Variants in LYPD6B observed in about 807,000 individuals in gnomAD.
LYPD6B encodes ly6/PLAUR domain-containing protein 6B.
In LYPD6B, 17 loss-of-function variants were observed where a neutral mutation model predicts 22.8. The observed-to-expected ratio is 0.75, with a 90% CI of 0.51 to 1.12. LYPD6B has a LOEUF of 1.12. LYPD6B is among the 50% of genes most tolerant of loss of function. The probability of loss-of-function intolerance (pLI) is 0.00; values close to 1 mark genes in which losing one functional copy is unlikely to be tolerated. For synonymous variants in LYPD6B, 106 were observed against 91.6 expected (o/e 1.16, Z -0.90); for missense variants, 221 against 258.3 (o/e 0.86, Z 0.99).
chr2:149,208,619 G>C (rs1693655248), intron 5 of LYPD6B, among the ~76,000 whole-genome samples: 1 of 151,998 alleles, frequency 6.6e-6, no homozygotes, highest in African/African-American at 2.4e-5. Context: ...TATTTACCAG[G>C]GAGAACACAT....
intron 2 of LYPD6B, among the ~76,000 whole-genome samples, chr2:149,151,842 C>T (rs1299898193): frequency 1.3e-5 from 2 of 152,160 alleles, no homozygotes; most frequent in African/African-American, 4.8e-5. Context: ...CACCTCAGCT[C>T]CAAAGCCTTC....
chr2:149,044,461 C>T (rs1683220375), intron 1 of LYPD6B, among the ~76,000 whole-genome samples: 1 of 152,032 alleles, frequency 6.6e-6, no homozygotes, highest in Non-Finnish European at 1.5e-5. Context: ...TAAAGTTACT[C>T]ATCTGTTTTA....
intron 1 of LYPD6B, among the ~76,000 whole-genome samples, chr2:149,067,861 G>A (rs1270479893): frequency 3.3e-5 from 5 of 152,144 alleles, no homozygotes; most frequent in Non-Finnish European, 7.3e-5. Flanking sequence ...TGTATTATAT[G>A]TGAATCTTCT....
intron 5 of LYPD6B, among the ~76,000 whole-genome samples, chr2:149,212,163 G>T (rs534089313): frequency 3.8e-4 from 57 of 151,648 alleles, no homozygotes; most frequent in Non-Finnish European, 6.6e-4. Context: ...GGATCATGAG[G>T]TCAGGAGATC....
At chr2:149,127,605 A>G (rs990273100) in intron 1 of LYPD6B, among the ~76,000 whole-genome samples, 2 of 152,076 alleles carry the variant, frequency 1.3e-5, no homozygotes, top group African/African-American at 2.4e-5. Flanking sequence ...CCTTGTATAT[A>G]TGTATGCATG....
At chr2:149,042,132 A>C (rs1230025745) in intron 1 of LYPD6B, among the ~76,000 whole-genome samples, 1 of 152,236 alleles carries the variant, frequency 6.6e-6, no homozygotes, top group South Asian at 2.1e-4. Context: ...ACAGGCTGGG[A>C]CTTGGTGAAG....
At chr2:149,038,896 G>A (rs1252158869) in intron 1 of LYPD6B, 95 bp downstream of exon 1, 2 of 150,478 alleles carry the variant, frequency 1.3e-5, no homozygotes, top group East Asian at 3.9e-4. Flanking sequence ...ACTGCGGCGG[G>A]AGATGCGCTG....
chr2:149,195,167 A>G (rs8179684), intron 3 of LYPD6B, among the ~76,000 whole-genome samples: 45,993 of 152,134 alleles, frequency 0.3, 8,753 homozygotes, highest in East Asian at 0.55. Context: ...GTCTGTGTTC[A>G]CTTAGAGACC....
At chr2:149,072,114 T>C (rs976937649) in intron 1 of LYPD6B, among the ~76,000 whole-genome samples, 1 of 152,200 alleles carries the variant, frequency 6.6e-6, no homozygotes, top group Non-Finnish European at 1.5e-5. Flanking sequence ...GTATTTTTGG[T>C]AGAGACAGAG....
At chr2:149,119,783 G>A (rs79627740) in intron 1 of LYPD6B, among the ~76,000 whole-genome samples, 1,659 of 152,256 alleles carry the variant, frequency 0.011, 34 homozygotes, top group African/African-American at 0.038. Flanking sequence ...TCATCCTACC[G>A]CTTCCTAGTG....
intron 1 of LYPD6B, among the ~76,000 whole-genome samples, chr2:149,121,471 T>A (rs1353194720): frequency 6.6e-6 from 1 of 152,136 alleles, no homozygotes; most frequent in East Asian, 1.9e-4. Context: ...ATTGTTGCAG[T>A]CCCAGCAGAA....
At chr2:149,069,117 A>C (rs1210433208) in intron 1 of LYPD6B, among the ~76,000 whole-genome samples, 1 of 151,196 alleles carries the variant, frequency 6.6e-6, no homozygotes, top group Non-Finnish European at 1.5e-5. Context: ...TATAACTTGC[A>C]ATCAAGGAGA....
At chr2:149,212,061 G>T (rs1693886373) in intron 5 of LYPD6B, among the ~76,000 whole-genome samples, 1 of 152,038 alleles carries the variant, frequency 6.6e-6, no homozygotes, top group Non-Finnish European at 1.5e-5. Flanking sequence ...ATGTTGGTAG[G>T]ATTAGAACCA....
At chr2:149,209,822 A>G (rs531962133) in intron 5 of LYPD6B, among the ~76,000 whole-genome samples, 36 of 152,206 alleles carry the variant, frequency 2.4e-4, no homozygotes, top group African/African-American at 7.7e-4. Flanking sequence ...GTTCTTTTAC[A>G]TTTCTGTCAA....
intron 1 of LYPD6B, among the ~76,000 whole-genome samples, chr2:149,120,383 A>ATATATATATATTT (rs1327065975): frequency 2.1e-5 from 1 of 48,618 alleles, no homozygotes; most frequent in African/African-American, 1.1e-4. Context: ...ATATATATAT[A>ATATATATATATTT]TTTTTTTTTT....
rs148174126 is a variant in LYPD6B, at chr2:149,139,879, T to C, written c.5+8926T>C. Among the ~76,000 whole-genome samples, 227 of 152,322 alleles carry C rather than the reference T, an allele frequency of 1.5e-3. 1 individual carries two copies. The highest frequency in any genetic ancestry group is 5.0e-3 in the African/African-American group (209 of 41,570). On this transcript the variant is annotated intron_variant, in intron 2 of 6. Coordinates refer to ENST00000409642, the MANE Select transcript of LYPD6B (RefSeq NM_177964.5). ...ATTTCCCATGAAAATTAGAGACATA[T>C]GTCTTACATTTGTTCAAGAAGGAAT...
Position 149,169,199 on chromosome 2 carries a change from T to TAG in LYPD6B, c.77+8364_77+8365insAG, listed in dbSNP as rs1446930819. On this transcript the variant is annotated intron_variant, in intron 3 of 6. Coordinates refer to ENST00000409642, the MANE Select transcript of LYPD6B (RefSeq NM_177964.5). Reference sequence around the variant, plus strand: ...TGGGGGTCTAGGTGAGAGACCTAGCTGTCTCTCACCTGTCCATCTTCAACA... The same window carrying TAG: ...TGGGGGTCTAGGTGAGAGACCTAGCTAGGTCTCTCACCTGTCCATCTTCAACA... Among the ~76,000 whole-genome samples the TAG allele has an allele frequency of 2.0e-5, 3 of 152,146 alleles. No individual in the cohort carries two copies. In the South Asian group the frequency reaches 6.2e-4, roughly 32 times the overall value.
At chr2:149,056,672 A>G (rs987585597) in intron 1 of LYPD6B, among the ~76,000 whole-genome samples, 1 of 152,116 alleles carries the variant, frequency 6.6e-6, no homozygotes, top group African/African-American at 2.4e-5. Flanking sequence ...ACACACATAC[A>G]TACAACATCC....
At chr2:149,197,657 T>C (rs1005731399) in intron 3 of LYPD6B, among the ~76,000 whole-genome samples, 1 of 152,246 alleles carries the variant, frequency 6.6e-6, no homozygotes, top group Non-Finnish European at 1.5e-5. Context: ...GGAAGAGTTA[T>C]CTTTTCTCAA....
Sources: gnomAD v4.1 joint callset for allele counts (sites outside exome capture counted in the v4.1 genomes callset) on GRCh38, gnomAD v4.1.1 for gene constraint, MANE v1.5 for transcripts, NCBI Gene and HGNC (gene_info 2026-07-23, HGNC 2026-07-21) for gene names.